VPS13C: variants seen among roughly 807,000 people sequenced by gnomAD.
VPS13C encodes intermembrane lipid transfer protein VPS13C.
A neutral mutation model predicts 456.8 loss-of-function variants in VPS13C; 358 were observed. That is an observed-to-expected ratio of 0.78 (90% CI 0.72 to 0.86). The LOEUF is 0.86. Among genes scored for constraint, VPS13C ranks in the 40% least tolerant of loss-of-function variants. The probability of loss-of-function intolerance (pLI) is 0.00; values close to 1 mark genes in which losing one functional copy is unlikely to be tolerated. For synonymous variants in VPS13C, 1,578 were observed against 1,486.7 expected, an observed-to-expected ratio of 1.06 and a Z score of -1.41; for missense variants, 4,818 against 4,385.4, an observed-to-expected ratio of 1.10 and a Z score of -2.79.
intron 16 of VPS13C, among the ~76,000 whole-genome samples, chr15:61,997,526 A>T (rs192877342): frequency 6.6e-6 from 1 of 152,134 alleles, no homozygotes; most frequent in South Asian, 2.1e-4. Context: ...GATAGCTAAA[A>T]CTTAATAGGT....
At chr15:61,900,577 G>A (rs1188271827) in intron 66 of VPS13C, among the ~76,000 whole-genome samples, 1 of 151,850 alleles carries the variant, frequency 6.6e-6, no homozygotes, top group African/African-American at 2.4e-5. Flanking sequence ...TCTTCAAGGA[G>A]AACTACAAAC....
intron 66 of VPS13C, among the ~76,000 whole-genome samples, chr15:61,901,647 C>A (rs1466041930): frequency 6.6e-6 from 1 of 152,068 alleles, no homozygotes; most frequent in Non-Finnish European, 1.5e-5. Context: ...AATGGGAACA[C>A]TTTTACACTG....
intron 81 of VPS13C, chr15:61,864,761 T>G: frequency 1.0e-6 from 1 of 985,498 alleles, no homozygotes; most frequent in Non-Finnish European, 1.2e-6. Context: ...CAATAGCTAC[T>G]TGTTTCACAA....
At chr15:61,973,391 TTA>T in intron 26 of VPS13C, 61 bp downstream of exon 26, 1 of 1,366,078 alleles carries the variant, frequency 7.3e-7, no homozygotes, top group East Asian at 2.3e-5. Flanking sequence ...TCTGAAAATG[TTA>T]TCTCTGTATA....
intron 64 of VPS13C, among the ~76,000 whole-genome samples, chr15:61,909,344 A>G (rs2043235268): frequency 6.6e-6 from 1 of 152,118 alleles, no homozygotes; most frequent in South Asian, 2.1e-4. Flanking sequence ...AATAGCTGGG[A>G]TTACAGGCAT....
intron 53 of VPS13C, among the ~76,000 whole-genome samples, chr15:61,923,861 C>CTTTTTTTA (rs2043744535): frequency 1.3e-5 from 1 of 75,124 alleles, no homozygotes; most frequent in Non-Finnish European, 2.4e-5. Context: ...CCCTCTAAAT[C>CTTTTTTTA]TTTTTTTTTT....
chr15:61,961,803 G>T lies in VPS13C; in HGVS notation c.3694C>A (p.Leu1232Ile). The part of the protein sequence containing the change: ...AERAATSVKD[L>I]AQRSFRVSIN... ...GAAACACGAAAACTCCTCTGGGCAA[G>T]ATCTTTCACACTTGTGGCAGCCCTT... Residue 1232 changes from leucine to isoleucine, a missense_variant, in exon 35 of 85, where the codon CTT becomes ATT. Leu to Ile is a conservative substitution (Grantham distance 5, BLOSUM62 2). This residue lies in a region of VPS13C where 4,552 missense variants were observed against 4,130.6 expected (regional missense o/e 1.10). Transcript: ENST00000644861. 1 of 1,614,052 alleles carries T rather than the reference G, an allele frequency of 6.2e-7. No homozygotes were observed. Among genetic ancestry groups the T allele is most frequent in the South Asian group, 1.1e-5 (1 of 91,084 alleles).
chr15:62,046,099 A>C (rs2048392887), intron 1 of VPS13C, among the ~76,000 whole-genome samples: 1 of 152,176 alleles, frequency 6.6e-6, no homozygotes, highest in African/African-American at 2.4e-5. Context: ...AAATTGTCGA[A>C]AACTATAATA....
At chr15:62,058,422 C>T (rs983101422) in intron 1 of VPS13C, among the ~76,000 whole-genome samples, 7 of 151,762 alleles carry the variant, frequency 4.6e-5, no homozygotes, top group Non-Finnish European at 8.8e-5. Flanking sequence ...TCCATATTCA[C>T]GGACTGAACT....
intron 67 of VPS13C, among the ~76,000 whole-genome samples, 165 bp from the exon 68 acceptor site, chr15:61,884,434 G>C (rs1423264034): frequency 6.6e-6 from 1 of 152,004 alleles, no homozygotes; most frequent in Non-Finnish European, 1.5e-5. Context: ...AGTACAAAAA[G>C]AAAAGAGGCA....
Position 61,962,514 on chromosome 15 carries a change from C to G in VPS13C, c.3460G>C (p.Val1154Leu), listed in dbSNP as rs1596388651. The G allele has an allele frequency of 1.2e-6, 2 of 1,609,478 alleles. No individual in the cohort carries two copies. The highest frequency in any genetic ancestry group is 2.7e-5 in the African/African-American group (2 of 74,934). ...KKAVSIMGNEVFRFNLDLYPD... is the reference protein window; with the variant it reads ...KKAVSIMGNELFRFNLDLYPD... Reference sequence around the variant, plus strand: ...TACAAATCCAAATTAAAACGGAAAACTTCATTTCCCATTATTGACACAGCC... The same window carrying G: ...TACAAATCCAAATTAAAACGGAAAAGTTCATTTCCCATTATTGACACAGCC... The change falls in exon 34 of 85, where the codon GTT becomes CTT. Residue 1154 changes from valine (V) to leucine (L), a missense_variant. By Grantham distance (32) the Val-to-Leu change is conservative. Transcript: ENST00000644861.
Position 61,890,148 on chromosome 15 carries a change from T to C in VPS13C, c.9341+17A>G, listed in dbSNP as rs1472658636. On this transcript the variant is annotated intron_variant, in intron 67 of 84. Coordinates refer to ENST00000644861, the MANE Select transcript of VPS13C (RefSeq NM_020821.3). The stretch of plus-strand genomic sequence containing the variant: ...CCTTTTAAAGGTTTAGGATGTCTTA[T>C]TTTCCTTCTTGCATACCTGGTTATC... The C allele has an allele frequency of 5.0e-6, 8 of 1,611,916 alleles. No individual in the cohort carries two copies. The highest frequency in any genetic ancestry group is 1.1e-5 in the South Asian group (1 of 91,016).
intron 78 of VPS13C, 67 bp from the exon 79 acceptor site, chr15:61,872,101 G>A: frequency 1.5e-6 from 2 of 1,372,160 alleles, no homozygotes; most frequent in Admixed American, 3.8e-5. Context: ...CCAACCACTA[G>A]AGGTCTCTAC....
rs1895941414 is a variant in VPS13C, at chr15:61,882,587, C to A, written c.9624+9G>T. ...ATGATAAATACTTATTTGAGAATGACAATGTTACCTGAAGCCAGTACAACC... is the reference window on the plus strand; with the variant it reads ...ATGATAAATACTTATTTGAGAATGAAAATGTTACCTGAAGCCAGTACAACC... On this transcript the variant is annotated intron_variant, in intron 69 of 84. Coordinates refer to ENST00000644861, the MANE Select transcript of VPS13C (RefSeq NM_020821.3). The A allele has an allele frequency of 2.6e-6, 4 of 1,510,324 alleles. No homozygotes were observed. Among genetic ancestry groups the A allele is most frequent in the Admixed American group, 2.3e-5 (1 of 42,660 alleles). 93.6% of individuals were successfully genotyped at this position (1,510,324 alleles called of 1,614,324 possible). A position where few individuals can be genotyped will look rare whatever the true frequency, so the allele number is the denominator to read the frequency against.
chr15:61,980,637 T>TA (rs112342799), intron 22 of VPS13C, among the ~76,000 whole-genome samples: 13,543 of 145,934 alleles, frequency 0.093, 1,070 homozygotes, highest in African/African-American at 0.22. Context: ...TTCCTAATCT[T>TA]AAAAAAAAAA....
Position 61,951,967 on chromosome 15 carries a change from A to G in VPS13C, c.4313T>C (p.Leu1438Ser), listed in dbSNP as rs1461988883. 3.1e-6 allele frequency: 5 copies of G among 1,612,774 alleles called. No homozygotes were observed. The highest frequency in any genetic ancestry group is 4.2e-6 in the Non-Finnish European group (5 of 1,179,560). ...TCCTTTCTTTTCTGATTTTTTCATCAAAGTAACCACAACCTAAAAAACGGT... is the reference window on the plus strand; with the variant it reads ...TCCTTTCTTTTCTGATTTTTTCATCGAAGTAACCACAACCTAAAAAACGGT... ...NFEIKEVVVT[L>S]MKKSEKKGRP... The change falls in exon 39 of 85, where the codon TTG becomes TCG. Residue 1438 changes from leucine to serine, a missense_variant. This residue lies in a region of VPS13C where 4,552 missense variants were observed against 4,130.6 expected (regional missense o/e 1.10). Coordinates refer to ENST00000644861, the MANE Select transcript of VPS13C (RefSeq NM_020821.3).
intron 37 of VPS13C, among the ~76,000 whole-genome samples, chr15:61,956,913 A>G (rs1198582892): frequency 6.6e-6 from 1 of 152,144 alleles, no homozygotes; most frequent in East Asian, 1.9e-4. Context: ...TACTGAAGCT[A>G]AACCCAAATC....
chr15:61,985,946 T>A (rs2046037802), intron 18 of VPS13C, among the ~76,000 whole-genome samples: 2 of 151,928 alleles, frequency 1.3e-5, no homozygotes, highest in African/African-American at 2.4e-5. Flanking sequence ...TAAAACACAT[T>A]CTTTTGCCTG....
intron 27 of VPS13C, 108 bp downstream of exon 27, chr15:61,972,517 A>G (rs1256306303): frequency 3.3e-6 from 4 of 1,212,596 alleles, no homozygotes; most frequent in Non-Finnish European, 4.6e-6. Flanking sequence ...AGCAGGAAAG[A>G]CAGAGTACCA....
Sources: allele counts gnomAD v4.1 joint callset (sites outside exome capture counted in the v4.1 genomes callset), GRCh38; gene constraint gnomAD v4.1.1; regional missense constraint gnomAD v4.1.1; transcripts MANE v1.5; gene names NCBI Gene and HGNC (gene_info 2026-07-23, HGNC 2026-07-21).